Variants in KAT6A observed in about 807,000 individuals in gnomAD.
KAT6A encodes the protein histone acetyltransferase KAT6A.
In KAT6A, 9 loss-of-function variants were observed where a neutral mutation model predicts 198.4. The ratio of observed to expected loss-of-function variants is 0.05; its 90% CI spans 0.03 to 0.08. KAT6A has a LOEUF of 0.08. Among genes scored for constraint, KAT6A ranks in the 10% least tolerant of loss-of-function variants. The pLI is 1.00. For missense variants in KAT6A, 2,077 were observed against 2,509.9 expected, an observed-to-expected ratio of 0.83 and a Z score of 3.69; for synonymous variants, 890 against 883.0, an observed-to-expected ratio of 1.01 and a Z score of -0.14.
intron 14 of KAT6A, 50 bp downstream of exon 14, chr8:41,942,743 T>C: frequency 1.9e-6 from 3 of 1,583,032 alleles, no homozygotes; most frequent in Non-Finnish European, 2.6e-6. Flanking sequence ...ACTCATGAAA[T>C]CAAAAATATA....
At chr8:41,939,815 G>A (rs1587717338) in intron 15 of KAT6A, among the ~76,000 whole-genome samples, 2 of 152,276 alleles carry the variant, frequency 1.3e-5, no homozygotes, top group South Asian at 4.1e-4. Flanking sequence ...GAAAAAGGAC[G>A]TTAGGGAAAA....
chr8:41,963,913 A>G (rs1484679998), intron 8 of KAT6A, among the ~76,000 whole-genome samples: 1 of 152,134 alleles, frequency 6.6e-6, no homozygotes, highest in Non-Finnish European at 1.5e-5. Context: ...TCTCACACCC[A>G]AACTTGCTAC....
chr8:41,982,023 A>G, intron 3 of KAT6A, 69 bp from the exon 4 acceptor site: 2 of 872,598 alleles, frequency 2.3e-6, no homozygotes, highest in South Asian at 2.9e-5. Context: ...TACTAAAGAA[A>G]TGATGTAGAA....
chr8:41,956,541 C>A (rs906487659), intron 8 of KAT6A, among the ~76,000 whole-genome samples: 4 of 152,092 alleles, frequency 2.6e-5, no homozygotes, highest in Admixed American at 2.6e-4. Flanking sequence ...TATATAAATC[C>A]GTTTAAAGAA....
chr8:42,001,903 G>A (rs535090672), intron 2 of KAT6A, among the ~76,000 whole-genome samples: 2 of 152,252 alleles, frequency 1.3e-5, no homozygotes, highest in African/African-American at 2.4e-5. Flanking sequence ...TACTTAGTAC[G>A]TCTTTGTCTG....
intron 14 of KAT6A, 159 bp downstream of exon 14, chr8:41,942,634 C>T: frequency 1.3e-6 from 1 of 785,168 alleles, no homozygotes; most frequent in Non-Finnish European, 2.0e-6. Flanking sequence ...TAAACCAGGT[C>T]CAGTCTTCTT....
At chr8:42,019,036 T>G (rs1826404416) in intron 2 of KAT6A, among the ~76,000 whole-genome samples, 1 of 152,212 alleles carries the variant, frequency 6.6e-6, no homozygotes, top group South Asian at 2.1e-4. Context: ...CAACAGCATC[T>G]GGTTAATCAA....
intron 2 of KAT6A, among the ~76,000 whole-genome samples, chr8:41,989,528 AACGTG>A (rs59726289): frequency 9.5e-4 from 142 of 149,608 alleles, no homozygotes; most frequent in East Asian, 1.8e-3. Flanking sequence ...AACATAACGT[AACGTG>A]ACGTGACGTG....
chr8:42,013,257 TTTC>T (rs1475162554), intron 2 of KAT6A, among the ~76,000 whole-genome samples: 1 of 96,202 alleles, frequency 1.0e-5, no homozygotes, highest in Admixed American at 1.0e-4. Context: ...TTTTTCTTTC[TTTC>T]TTTTTTTTTT....
intron 10 of KAT6A, 40 bp downstream of exon 10, chr8:41,949,182 T>A (rs1385271664): frequency 1.4e-6 from 2 of 1,401,234 alleles, no homozygotes; most frequent in South Asian, 1.6e-5. Flanking sequence ...GCCCTACTTA[T>A]GAAATGGATG....
chr8:41,930,111 G>C lies in KAT6A; in HGVS notation c.*2094C>G, dbSNP rs1046738749. On this transcript the variant is annotated 3_prime_UTR_variant, in exon 17 of 17. Coordinates refer to ENST00000265713, the MANE Select transcript of KAT6A (RefSeq NM_006766.5). ...AAAGAGGCTTGTGGAAAAGGGAGCT[G>C]CCCGATTGAATTTTTTATAAAGAAA... 6.9e-5 allele frequency: 16 copies of C among 231,726 alleles called. No individual in the cohort carries two copies. Among genetic ancestry groups the C allele is most frequent in the Non-Finnish European group, 9.4e-5 (11 of 117,276 alleles). The allele number at this position is 231,726 out of a possible 1,614,324, so 14.4% of individuals were successfully genotyped here.
Position 42,039,581 on chromosome 8 carries a change from A to G in KAT6A, c.600+8797T>C, listed in dbSNP as rs1252006072. 3.3e-5 allele frequency among the ~76,000 whole-genome samples: 5 copies of G among 152,346 alleles called. 1 individual carries two copies. The Middle Eastern group carries it at 0.01, about 311-fold the overall frequency. On this transcript the variant is annotated intron_variant, in intron 2 of 16. Transcript: ENST00000265713. ...TGTATTTGCTCTCCTAGTATTAAAC[A>G]TAACAAAAAAGTATTGGCCCACAAG...
At chr8:41,948,463 T>C (rs1822506080) in intron 10 of KAT6A, among the ~76,000 whole-genome samples, 1 of 152,070 alleles carries the variant, frequency 6.6e-6, no homozygotes, top group South Asian at 2.1e-4. Flanking sequence ...ATGTGGTAAA[T>C]GAGGCTCCAG....
intron 16 of KAT6A, among the ~76,000 whole-genome samples, chr8:41,936,254 C>T (rs555709260): frequency 2.0e-5 from 3 of 151,246 alleles, no homozygotes; most frequent in East Asian, 3.9e-4. Context: ...GAGGGAGACT[C>T]CATCTCAAAA....
At chr8:42,043,614 T>A (rs565614142) in intron 2 of KAT6A, 1 of 152,018 alleles carries the variant, frequency 6.6e-6, no homozygotes, top group Non-Finnish European at 1.5e-5. Flanking sequence ...AAAAGAAAAA[T>A]GGACACAATG....
At position 41,934,659 on chromosome 8, in the gene KAT6A, G is replaced by A. The variant is rs368311389; in HGVS notation, c.3561C>T (p.Cys1187=). ...GAATGGAAACGATGGGCTCAATGACGCATGCTTGAGTAGAAACTGGCATGA... is the reference window on the plus strand; with the variant it reads ...GAATGGAAACGATGGGCTCAATGACACATGCTTGAGTAGAAACTGGCATGA... ...REIMPVSTQA[C]VIEPIVSIPK... The change falls in exon 17 of 17, where the codon TGC becomes TGT. Residue 1187 remains cysteine, a synonymous_variant. Coordinates refer to ENST00000265713, the MANE Select transcript of KAT6A (RefSeq NM_006766.5). 198 of 1,614,106 alleles carry A rather than the reference G, an allele frequency of 1.2e-4. No homozygotes were observed. The Admixed American group carries it at 1.3e-3, about 11-fold the overall frequency.
intron 4 of KAT6A, among the ~76,000 whole-genome samples, chr8:41,981,631 A>C (rs1824361288): frequency 6.6e-6 from 1 of 152,212 alleles, no homozygotes; most frequent in South Asian, 2.1e-4. Flanking sequence ...ATATATAATT[A>C]AGTGCTTTAC....
rs1029849723 is a variant in KAT6A, at chr8:41,937,613, T to G, written c.3040-45A>C. On this transcript the variant is annotated intron_variant, in intron 15 of 16. Transcript: ENST00000265713. ...AGTATTTACAGTTATGAACACTATC[T>G]TTTCTATTAATAATACGAAAACAGT... The G allele has an allele frequency of 2.8e-6, 4 of 1,431,500 alleles. No individual in the cohort carries two copies. The African/African-American group carries it at 4.3e-5, about 15-fold the overall frequency. 88.7% of individuals were successfully genotyped at this position (1,431,500 alleles called of 1,614,324 possible). A position where few individuals can be genotyped will look rare whatever the true frequency, so the allele number is the denominator to read the frequency against.
intron 2 of KAT6A, among the ~76,000 whole-genome samples, 194 bp from the exon 3 acceptor site, chr8:41,987,757 T>C (rs745839538): frequency 6.6e-6 from 1 of 152,242 alleles, no homozygotes; most frequent in African/African-American, 2.4e-5. Flanking sequence ...GTCCTTGTTA[T>C]GACCATTTAG....
Sources: gnomAD v4.1 joint callset for allele counts (sites outside exome capture counted in the v4.1 genomes callset) on GRCh38, gnomAD v4.1.1 for gene constraint, MANE v1.5 for transcripts, NCBI Gene and HGNC (gene_info 2026-07-23, HGNC 2026-07-21) for gene names.